SYN3: variants seen among roughly 807,000 people sequenced by gnomAD.
SYN3 encodes the protein synapsin III.
In SYN3, 35 loss-of-function variants were observed where a neutral mutation model predicts 65.8. The ratio of observed to expected loss-of-function variants is 0.53; its 90% confidence interval spans 0.41 to 0.70. SYN3 has a LOEUF of 0.70. SYN3 is among the 30% of genes least tolerant of loss of function. SYN3 has a pLI of 0.00. For synonymous variants in SYN3, 270 were observed against 292.9 expected, an observed-to-expected ratio of 0.92 and a Z score of 0.80; for missense variants, 680 against 749.0, an observed-to-expected ratio of 0.91 and a Z score of 1.08.
intron 6 of SYN3, among the ~76,000 whole-genome samples, chr22:32,746,176 T>A (rs1471031878): frequency 6.6e-6 from 1 of 152,156 alleles, no homozygotes; most frequent in Non-Finnish European, 1.5e-5. Context: ...CCACATAGAC[T>A]GTGAGATGCT....
chr22:32,529,304 C>T (rs1255453439), intron 10 of SYN3, among the ~76,000 whole-genome samples: 1 of 152,160 alleles, frequency 6.6e-6, no homozygotes, highest in Non-Finnish European at 1.5e-5. Context: ...TTTGGGGAGC[C>T]GCTCTCCGCC....
chr22:32,612,179 A>G (rs1159702900), intron 6 of SYN3, among the ~76,000 whole-genome samples: 2 of 152,202 alleles, frequency 1.3e-5, no homozygotes, highest in Admixed American at 6.5e-5. Flanking sequence ...TAATAAACCA[A>G]TAAATATAAG....
intron 7 of SYN3, among the ~76,000 whole-genome samples, chr22:32,568,711 T>TG (rs1466201604): frequency 6.6e-6 from 1 of 152,090 alleles, no homozygotes; most frequent in Admixed American, 6.5e-5. Flanking sequence ...TCCATCACCT[T>TG]GGGGGGTAGG....
intron 6 of SYN3, among the ~76,000 whole-genome samples, chr22:32,671,695 T>C (rs1463810874): frequency 1.4e-5 from 2 of 139,974 alleles, no homozygotes; most frequent in Non-Finnish European, 3.0e-5. Context: ...ACACACACGC[T>C]GTCACACAGG....
At chr22:33,042,904 A>T (rs1237250268) in intron 1 of SYN3, among the ~76,000 whole-genome samples, 3 of 152,162 alleles carry the variant, frequency 2.0e-5, no homozygotes. Context: ...TGCAGGTGGA[A>T]GCCCTGGGGA....
intron 6 of SYN3, among the ~76,000 whole-genome samples, chr22:32,605,724 C>CAA: frequency 6.6e-6 from 1 of 152,318 alleles, no homozygotes; most frequent in African/African-American, 2.4e-5. Flanking sequence ...TCATCCAGTG[C>CAA]TTCCCCTGCA....
At chr22:32,768,625 T>A (rs1386043927) in intron 6 of SYN3, among the ~76,000 whole-genome samples, 1 of 139,072 alleles carries the variant, frequency 7.2e-6, no homozygotes, top group African/African-American at 2.8e-5. Flanking sequence ...TTCTATGTAC[T>A]ATAAACACTC....
chr22:32,816,963 A>G (rs1256185779), intron 6 of SYN3, among the ~76,000 whole-genome samples: 1 of 152,104 alleles, frequency 6.6e-6, no homozygotes, highest in Non-Finnish European at 1.5e-5. Flanking sequence ...GCTCACGCAT[A>G]TAACCCCACC....
chr22:32,886,551 T>C (rs1007262400), intron 4 of SYN3, among the ~76,000 whole-genome samples: 1 of 152,212 alleles, frequency 6.6e-6, no homozygotes, highest in African/African-American at 2.4e-5. Context: ...ATGATTTGCA[T>C]AAAATAAAAT....
chr22:32,969,124 A>C (rs549139705), intron 3 of SYN3, among the ~76,000 whole-genome samples: 1 of 152,334 alleles, frequency 6.6e-6, no homozygotes, highest in East Asian at 1.9e-4. Flanking sequence ...CAAACACAGC[A>C]GCTAAAGGCC....
intron 4 of SYN3, among the ~76,000 whole-genome samples, chr22:32,910,024 G>GA (rs2050012242): frequency 6.6e-6 from 1 of 152,144 alleles, no homozygotes; most frequent in Non-Finnish European, 1.5e-5. Context: ...CACTGGAGGG[G>GA]AAAAAACAAG....
chr22:32,880,834 A>G (rs1394427468), intron 4 of SYN3, among the ~76,000 whole-genome samples: 2 of 152,250 alleles, frequency 1.3e-5, no homozygotes, highest in African/African-American at 4.8e-5. Context: ...AGCCCTCGCC[A>G]CTGAAGGACA....
intron 3 of SYN3, among the ~76,000 whole-genome samples, chr22:32,972,309 A>T (rs765406231): frequency 3.8e-4 from 58 of 152,342 alleles, no homozygotes; most frequent in Non-Finnish European, 7.2e-4. Flanking sequence ...GCCATCCTTA[A>T]CAAGAATGAG....
chr22:32,777,446 C>T (rs1228245874), intron 6 of SYN3, among the ~76,000 whole-genome samples: 2 of 152,096 alleles, frequency 1.3e-5, no homozygotes, highest in African/African-American at 2.4e-5. Flanking sequence ...AGTCCTGACT[C>T]GGTGCAATAT....
At chr22:32,762,630 G>A (rs1220285531) in intron 6 of SYN3, among the ~76,000 whole-genome samples, 2 of 51,820 alleles carry the variant, frequency 3.9e-5, no homozygotes, top group Non-Finnish European at 8.0e-5. Flanking sequence ...CCAGGGTCGC[G>A]AAACCCAGTG....
intron 6 of SYN3, among the ~76,000 whole-genome samples, chr22:32,847,945 T>C (rs1334391780): frequency 6.6e-6 from 1 of 152,252 alleles, no homozygotes; most frequent in Non-Finnish European, 1.5e-5. Context: ...TCTGCCCTAA[T>C]GGCAGCCCCC....
chr22:32,560,217 G>A (rs2058567497), intron 7 of SYN3, among the ~76,000 whole-genome samples: 1 of 152,212 alleles, frequency 6.6e-6, no homozygotes, highest in East Asian at 1.9e-4. Flanking sequence ...TCTTCCAAGT[G>A]TACTTTACTT....
At chr22:32,710,976 C>A (rs1454806755) in intron 6 of SYN3, among the ~76,000 whole-genome samples, 9 of 152,164 alleles carry the variant, frequency 5.9e-5, no homozygotes, top group Admixed American at 5.9e-4. Flanking sequence ...TTCTCTATAC[C>A]CTGCCTAACA....
intron 6 of SYN3, among the ~76,000 whole-genome samples, chr22:32,783,869 G>A (rs941269501): frequency 6.6e-6 from 1 of 152,098 alleles, no homozygotes; most frequent in African/African-American, 2.4e-5. Context: ...GCCTGGATTC[G>A]ACTCCCAGCA....
Sources: allele counts gnomAD v4.1 joint callset (sites outside exome capture counted in the v4.1 genomes callset), GRCh38; gene constraint gnomAD v4.1.1; transcripts MANE v1.5; gene names NCBI Gene and HGNC (gene_info 2026-07-23, HGNC 2026-07-21).